PAPOLA: variants seen among roughly 807,000 people sequenced by gnomAD.
The protein encoded by PAPOLA is poly(A) polymerase alpha.
In PAPOLA, 15 loss-of-function variants were observed where a neutral mutation model predicts 100.6. The ratio of observed to expected loss-of-function variants is 0.15; its 90% CI spans 0.10 to 0.23. The LOEUF is 0.23. Ranked by LOEUF, PAPOLA falls within the 10% of genes least tolerant of loss-of-function variation. The pLI is 1.00. For synonymous variants in PAPOLA, 293 were observed against 300.0 expected (o/e 0.98, Z 0.24); for missense variants, 533 against 884.2 (o/e 0.60, Z 5.04).
intron 7 of PAPOLA, chr14:96,532,130 C>A: frequency 1.5e-6 from 2 of 1,370,148 alleles, no homozygotes; most frequent in South Asian, 1.8e-5. Context: ...GAGATAAATG[C>A]TTTAGATTTT....
At chr14:96,558,902 G>C (rs892096281) in intron 19 of PAPOLA, among the ~76,000 whole-genome samples, 8 of 151,744 alleles carry the variant, frequency 5.3e-5, no homozygotes, top group Admixed American at 2.0e-4. Context: ...AAAATAGGCT[G>C]TTTGTTTAAA....
rs2140347568 is a variant in PAPOLA, at chr14:96,565,851, G to A, written c.*801G>A. 2.5e-6 allele frequency: 1 copy of A among 398,152 alleles called. No individual in the cohort carries two copies. Among genetic ancestry groups the A allele is most frequent in the Non-Finnish European group, 4.4e-6 (1 of 225,602 alleles). The allele number at this position is 398,152 out of a possible 1,614,324, so 24.7% of individuals were successfully genotyped here. ...AACAAACAAACAAAAAAAGCTTCTT[G>A]CGCCTTTCCCTCCCCTGTTTTCTTC... On this transcript the variant is annotated 3_prime_UTR_variant, in exon 22 of 22. Transcript: ENST00000216277.
At chr14:96,537,418 T>A (rs1899630681) in intron 12 of PAPOLA, 1 of 174,696 alleles carries the variant, frequency 5.7e-6, no homozygotes, top group African/African-American at 2.4e-5. Context: ...TTTTATCTAA[T>A]TCTGGAAACT....
intron 1 of PAPOLA, among the ~76,000 whole-genome samples, chr14:96,507,102 T>C (rs556275808): frequency 6.6e-6 from 1 of 152,242 alleles, no homozygotes; most frequent in Admixed American, 6.5e-5. Flanking sequence ...GAAACAGTTA[T>C]AATGTTGGTT....
intron 7 of PAPOLA, 65 bp from the exon 8 acceptor site, chr14:96,532,266 T>TTTTG: frequency 6.7e-7 from 1 of 1,494,428 alleles, no homozygotes. Context: ...ATGTTGTTTT[T>TTTTG]TTTTGTTTTG....
At chr14:96,559,494 A>T (rs1254906847) in intron 19 of PAPOLA, among the ~76,000 whole-genome samples, 3 of 150,962 alleles carry the variant, frequency 2.0e-5, no homozygotes, top group Non-Finnish European at 3.0e-5. Context: ...ATAAATGGTA[A>T]TGTAAAATAA....
intron 19 of PAPOLA, among the ~76,000 whole-genome samples, chr14:96,558,089 A>G (rs1343105866): frequency 6.6e-6 from 1 of 152,136 alleles, no homozygotes; most frequent in Non-Finnish European, 1.5e-5. Context: ...GTGTCTGTGT[A>G]ATTATCTCTT....
rs753661400 is a variant in PAPOLA at position 96,527,499 on chromosome 14, A to G, written c.401A>G (p.Tyr134Cys). ...CGAAGTGACTTTTTCACCTCATTCT[A>G]TGATAAGTTGAAATTACAGGAAGAA... ...VDRSDFFTSF[Y>C]DKLKLQEEVK... Residue 134 changes from tyrosine (Y) to cysteine (C), a missense_variant, in exon 5 of 22, where the codon TAT (tyrosine) becomes TGT (cysteine). This residue lies in a region of PAPOLA where 54 missense variants were observed against 133.2 expected (regional missense o/e 0.41). Coordinates refer to ENST00000216277, the MANE Select transcript of PAPOLA (RefSeq NM_032632.5). 1.2e-6 allele frequency: 2 copies of G among 1,608,408 alleles called. No homozygotes were observed. The highest frequency in any genetic ancestry group is 2.2e-5 in the East Asian group (1 of 44,826).
intron 2 of PAPOLA, among the ~76,000 whole-genome samples, chr14:96,520,486 C>T (rs1260899404): frequency 1.3e-5 from 2 of 152,144 alleles, no homozygotes; most frequent in African/African-American, 4.8e-5. Context: ...AGCGATTCTC[C>T]TGCCTCAGCC....
At chr14:96,556,541 G>T (rs1158183845) in intron 19 of PAPOLA, 128 bp downstream of exon 19, 1 of 705,792 alleles carries the variant, frequency 1.4e-6, no homozygotes, top group East Asian at 2.5e-5. Context: ...GAAAATTTTA[G>T]GTGTGTCTGT....
intron 19 of PAPOLA, among the ~76,000 whole-genome samples, chr14:96,559,033 GGT>G (rs1901592886): frequency 7.1e-6 from 1 of 140,038 alleles, no homozygotes; most frequent in Non-Finnish European, 1.6e-5. Context: ...TTTTTTTTTT[GGT>G]GTATGTTTTC....
intron 1 of PAPOLA, among the ~76,000 whole-genome samples, chr14:96,507,283 T>TTTTG (rs1265932702): frequency 3.9e-4 from 42 of 107,022 alleles, no homozygotes; most frequent in African/African-American, 1.9e-3. Context: ...GAAAATAGTT[T>TTTTG]TTTTTTTTTT....
At position 96,502,494 on chromosome 14, in the gene PAPOLA, A is replaced by AGGGG. The variant is rs1312605865; in HGVS notation, c.-97_-96insGGGG. 5 of 933,818 alleles carry AGGGG rather than the reference A, an allele frequency of 5.4e-6. No homozygotes were observed. 57.8% of individuals were successfully genotyped at this position (933,818 alleles called of 1,614,324 possible). On this transcript the variant is annotated 5_prime_UTR_variant, in exon 1 of 22. Coordinates refer to ENST00000216277, the MANE Select transcript of PAPOLA (RefSeq NM_032632.5). ...GAGGGGTTGGACCCAGGGCTGAGGCAGGCCCCCCCCTCCCTCCCGCCTCAG... is the reference window on the plus strand; with the variant it reads ...GAGGGGTTGGACCCAGGGCTGAGGCAGGGGGGCCCCCCCCTCCCTCCCGCCTCAG...
At chr14:96,547,954 CAT>C (rs759676559) in intron 16 of PAPOLA, 36 bp downstream of exon 16, 4 of 1,537,966 alleles carry the variant, frequency 2.6e-6, no homozygotes, top group African/African-American at 2.8e-5. Flanking sequence ...GCATTACTAA[CAT>C]AATGTTTTAT....
chr14:96,541,746 A>G (rs942276941), intron 12 of PAPOLA, among the ~76,000 whole-genome samples: 1 of 152,078 alleles, frequency 6.6e-6, no homozygotes, highest in Non-Finnish European at 1.5e-5. Context: ...GCCTAACTGC[A>G]GTATTCAGTT....
In PAPOLA at chr14:96,531,598, CCTA is replaced by C; in HGVS notation, c.607+15_607+17del. 1 of 1,591,470 alleles carries C rather than the reference CCTA, an allele frequency of 6.3e-7. No homozygotes were observed. The highest frequency in any genetic ancestry group is 8.6e-7 in the Non-Finnish European group (1 of 1,167,112). On this transcript the variant is annotated intron_variant, in intron 7 of 21. Transcript: ENST00000216277. ...AAGAAGTCTTAACGGTATGAGAAAG[CCTA>C]CTTCCTTTTGTGTACTTCAGTTTTT...
chr14:96,514,692 G>A (rs1273398449), intron 1 of PAPOLA, among the ~76,000 whole-genome samples: 1 of 152,196 alleles, frequency 6.6e-6, no homozygotes, highest in Non-Finnish European at 1.5e-5. Flanking sequence ...GGAAAGGAAA[G>A]ACCTGTTTCT....
chr14:96,508,294 C>G (rs1459598981), intron 1 of PAPOLA, among the ~76,000 whole-genome samples: 1 of 152,162 alleles, frequency 6.6e-6, no homozygotes, highest in African/African-American at 2.4e-5. Flanking sequence ...TAGTAGATAA[C>G]CTTTAGGAAA....
chr14:96,549,481 C>T (rs1057140659), intron 16 of PAPOLA, among the ~76,000 whole-genome samples: 17 of 152,050 alleles, frequency 1.1e-4, no homozygotes, highest in African/African-American at 4.1e-4. Flanking sequence ...ATCTCCTGGC[C>T]TCGTGATCCG....
Sources: gnomAD v4.1 joint callset for allele counts (sites outside exome capture counted in the v4.1 genomes callset) on GRCh38, gnomAD v4.1.1 for gene constraint, gnomAD v4.1.1 regional missense constraint, MANE v1.5 for transcripts, NCBI Gene and HGNC (gene_info 2026-07-23, HGNC 2026-07-21) for gene names.